SOX6: variants seen among roughly 807,000 people sequenced by gnomAD.
The protein encoded by SOX6 is SRY-box transcription factor 6, also known as transcription factor SOX-6.
SOX6 carries 11 observed loss-of-function variants against 97.8 expected under a neutral mutation model. The observed-to-expected ratio is 0.11, with a 90% confidence interval of 0.07 to 0.19. The LOEUF is 0.19. Ranked by LOEUF, SOX6 falls within the 10% of genes least tolerant of loss-of-function variation. SOX6 has a pLI of 1.00. For synonymous variants in SOX6, 360 were observed against 371.4 expected (o/e 0.97, Z 0.35); for missense variants, 810 against 1,039.5 (o/e 0.78, Z 3.04).
chr11:16,353,690 A>C (rs1857006028), intron 1 of SOX6, among the ~76,000 whole-genome samples: 2 of 152,050 alleles, frequency 1.3e-5, no homozygotes, highest in Non-Finnish European at 2.9e-5. Context: ...ATCATTGCAC[A>C]GAATTGTTTG....
intron 1 of SOX6, among the ~76,000 whole-genome samples, chr11:16,465,218 T>A (rs1860006687): frequency 6.6e-6 from 1 of 152,202 alleles, no homozygotes; most frequent in African/African-American, 2.4e-5. Context: ...CATTTAGTTA[T>A]CTGTCCTGTG....
At chr11:16,581,187 G>T (rs1445213613) in intron 4 of SOX6, among the ~76,000 whole-genome samples, 1 of 152,036 alleles carries the variant, frequency 6.6e-6, no homozygotes, top group Non-Finnish European at 1.5e-5. Flanking sequence ...CAAGGACATG[G>T]AGCCAACCCA....
At chr11:16,239,287 C>T (rs1853113834) in intron 3 of SOX6, among the ~76,000 whole-genome samples, 1 of 152,070 alleles carries the variant, frequency 6.6e-6, no homozygotes, top group Non-Finnish European at 1.5e-5. Flanking sequence ...TCCCTGACGA[C>T]TGCTCATGCT....
intron 12 of SOX6, among the ~76,000 whole-genome samples, chr11:16,022,171 C>T (rs1259784187): frequency 6.6e-6 from 1 of 152,114 alleles, no homozygotes; most frequent in Non-Finnish European, 1.5e-5. Context: ...ATAACATATC[C>T]ACTTCTGTTA....
At chr11:16,335,494 T>C (rs1358352304) in intron 2 of SOX6, among the ~76,000 whole-genome samples, 1 of 152,178 alleles carries the variant, frequency 6.6e-6, no homozygotes, top group Non-Finnish European at 1.5e-5. Flanking sequence ...TTCACTACAC[T>C]TTCTAAAGTA....
intron 2 of SOX6, among the ~76,000 whole-genome samples, chr11:16,319,837 T>G (rs947526462): frequency 7.0e-6 from 1 of 142,828 alleles, no homozygotes; most frequent in African/African-American, 2.5e-5. Flanking sequence ...GCATGATTTA[T>G]AAACGTCTTT....
intron 3 of SOX6, among the ~76,000 whole-genome samples, chr11:16,275,996 T>C (rs1425423293): frequency 3.3e-5 from 5 of 152,188 alleles, no homozygotes; most frequent in Non-Finnish European, 7.3e-5. Context: ...TGATATAATA[T>C]GATGTACATT....
At chr11:16,371,543 T>G (rs572559799) in intron 1 of SOX6, among the ~76,000 whole-genome samples, 1 of 152,230 alleles carries the variant, frequency 6.6e-6, no homozygotes, top group African/African-American at 2.4e-5. Flanking sequence ...ATTTCTGTTT[T>G]GATCATTGAT....
intron 4 of SOX6, among the ~76,000 whole-genome samples, chr11:16,488,860 C>T (rs1860473030): frequency 6.6e-6 from 1 of 152,130 alleles, no homozygotes; most frequent in South Asian, 2.1e-4. Flanking sequence ...GGTTGCCTCA[C>T]ATTCTAAGTA....
At chr11:16,091,510 G>A (rs1200114717) in intron 9 of SOX6, among the ~76,000 whole-genome samples, 1 of 151,982 alleles carries the variant, frequency 6.6e-6, no homozygotes, top group Non-Finnish European at 1.5e-5. Context: ...GACTCAGGCT[G>A]CAACTGAAAT....
At chr11:16,577,331 T>G (rs1847993394) in intron 4 of SOX6, among the ~76,000 whole-genome samples, 1 of 152,216 alleles carries the variant, frequency 6.6e-6, no homozygotes, top group Non-Finnish European at 1.5e-5. Context: ...ATGTATTGCT[T>G]TTCACCATAT....
At chr11:16,256,314 C>T (rs1853683716) in intron 3 of SOX6, among the ~76,000 whole-genome samples, 1 of 151,834 alleles carries the variant, frequency 6.6e-6, no homozygotes, top group Non-Finnish European at 1.5e-5. Flanking sequence ...AAAATATTAG[C>T]TAATTGAATC....
At chr11:16,281,394 A>T (rs910696151) in intron 3 of SOX6, among the ~76,000 whole-genome samples, 1 of 152,066 alleles carries the variant, frequency 6.6e-6, no homozygotes, top group Non-Finnish European at 1.5e-5. Flanking sequence ...ATGAATTACC[A>T]TTGAAGATAT....
At chr11:16,287,151 A>G (rs896644365) in intron 3 of SOX6, among the ~76,000 whole-genome samples, 1 of 152,044 alleles carries the variant, frequency 6.6e-6, no homozygotes, top group Non-Finnish European at 1.5e-5. Context: ...GTCACTCAAG[A>G]GAAGAGCAAT....
At chr11:16,241,671 C>A (rs1853198535) in intron 3 of SOX6, among the ~76,000 whole-genome samples, 1 of 151,888 alleles carries the variant, frequency 6.6e-6, no homozygotes, top group Non-Finnish European at 1.5e-5. Context: ...CTCCCCCTTG[C>A]CACACAAAGA....
At chr11:16,614,041 A>G (rs540448428) in intron 3 of SOX6, among the ~76,000 whole-genome samples, 4 of 152,286 alleles carry the variant, frequency 2.6e-5, no homozygotes, top group East Asian at 1.9e-4. Flanking sequence ...GCTGAAACCA[A>G]TAGCCGGGAA....
intron 4 of SOX6, among the ~76,000 whole-genome samples, chr11:16,214,617 A>G (rs1590035523): frequency 6.6e-6 from 1 of 152,032 alleles, no homozygotes; most frequent in Admixed American, 6.6e-5. Flanking sequence ...CTATTTCTCT[A>G]TAAGGAGATG....
intron 3 of SOX6, among the ~76,000 whole-genome samples, chr11:16,258,894 A>G (rs1309354115): frequency 6.6e-6 from 1 of 151,692 alleles, no homozygotes; most frequent in Non-Finnish European, 1.5e-5. Flanking sequence ...ATACACACAC[A>G]TATATACATA....
At chr11:16,255,242 A>T (rs187840990) in intron 3 of SOX6, among the ~76,000 whole-genome samples, 162 of 152,194 alleles carry the variant, frequency 1.1e-3, no homozygotes, top group African/African-American at 3.7e-3. Flanking sequence ...GAACTCAGCA[A>T]CACCATCAAT....
Sources: gnomAD v4.1 joint callset for allele counts (sites outside exome capture counted in the v4.1 genomes callset) on GRCh38, gnomAD v4.1.1 for gene constraint, MANE v1.5 for transcripts, NCBI Gene and HGNC (gene_info 2026-07-23, HGNC 2026-07-21) for gene names.